Variants in PPP2R3A observed in about 807,000 individuals in gnomAD.
PPP2R3A encodes protein phosphatase 2 regulatory subunit B''alpha, also known as serine/threonine-protein phosphatase 2A regulatory subunit B'' subunit alpha.
Under a neutral mutation model 106.9 loss-of-function variants are expected in PPP2R3A, and 80 were observed. The ratio of observed to expected loss-of-function variants is 0.75; its 90% confidence interval spans 0.62 to 0.90. The LOEUF (loss-of-function observed/expected upper bound fraction) is 0.90. Ranked by LOEUF, PPP2R3A falls within the 40% of genes least tolerant of loss-of-function variation. The probability of loss-of-function intolerance (pLI) is 0.00; values close to 1 mark genes in which losing one functional copy is unlikely to be tolerated. For missense variants in PPP2R3A, 1,386 were observed against 1,350.4 expected (o/e 1.03, Z -0.41); for synonymous variants, 483 against 468.3 (o/e 1.03, Z -0.41).
chr3:136,095,316 C>G (rs1937191163), intron 10 of PPP2R3A, among the ~76,000 whole-genome samples: 4 of 152,160 alleles, frequency 2.6e-5, no homozygotes, highest in Admixed American at 2.0e-4. Context: ...TTTCTTAGAC[C>G]TCCTTTGGTG....
Position 136,002,986 on chromosome 3 carries a change from C to T in PPP2R3A, c.1488C>T (p.Asp496=). 2 of 1,613,278 alleles carry T rather than the reference C, an allele frequency of 1.2e-6. No homozygotes were observed. Among genetic ancestry groups the T allele is most frequent in the South Asian group, 1.1e-5 (1 of 90,908 alleles). The change falls in exon 2 of 14, where the codon GAC becomes GAT. Residue 496 remains aspartate (D), a synonymous_variant. Transcript: ENST00000264977. ...AAGTTTCTAAATTTGAAGAGGGAGA[C>T]CAGAGAGATTTTACAAATTCCAGTA... is the stretch of plus-strand genomic sequence containing the variant. ...KSKVSKFEEG[D]QRDFTNSSSQ... is the part of the protein sequence containing the mutation.
chr3:136,113,771 G>A (rs893456987), intron 13 of PPP2R3A, among the ~76,000 whole-genome samples: 4 of 151,438 alleles, frequency 2.6e-5, no homozygotes, highest in Non-Finnish European at 5.9e-5. Context: ...CTCCAGCCTG[G>A]GCAACAGAGC....
intron 13 of PPP2R3A, among the ~76,000 whole-genome samples, chr3:136,128,731 C>T (rs1412954783): frequency 1.3e-5 from 2 of 152,188 alleles, no homozygotes; most frequent in Admixed American, 1.3e-4. Context: ...CTCAGCACCA[C>T]ATCACACTTA....
chr3:136,032,872 TCTCTTGTTTGATTG>T (rs770853257), intron 3 of PPP2R3A, among the ~76,000 whole-genome samples: 7 of 152,170 alleles, frequency 4.6e-5, no homozygotes, highest in Non-Finnish European at 1.0e-4. Context: ...TTTATTTCTT[TCTCTTGTTTGATTG>T]CTCTGACTAG....
chr3:136,002,484 A>T lies in PPP2R3A; in HGVS notation c.986A>T (p.Glu329Val). 6.2e-7 allele frequency: 1 copy of T among 1,614,130 alleles called. No individual in the cohort carries two copies. Residue 329 changes from glutamate (E) to valine (V), a missense_variant, in exon 2 of 14, where the codon GAA becomes GTA. By Grantham distance (121) the Glu-to-Val change is moderately radical (BLOSUM62 -2). Coordinates refer to ENST00000264977, the MANE Select transcript of PPP2R3A (RefSeq NM_002718.5). ...LTPFSPVFGT[E>V]QPPKYEDVVQ... is the part of the protein sequence containing the mutation. ...CCCTTCTCCCCAGTGTTTGGCACTGAACAACCCCCTAAATATGAAGATGTT... is the reference window on the plus strand; with the variant it reads ...CCCTTCTCCCCAGTGTTTGGCACTGTACAACCCCCTAAATATGAAGATGTT...
intron 2 of PPP2R3A, among the ~76,000 whole-genome samples, chr3:136,023,936 C>CA (rs1559874003): frequency 6.6e-6 from 1 of 152,072 alleles, no homozygotes; most frequent in African/African-American, 2.4e-5. Context: ...GCTGGCCATC[C>CA]AAAATCCAGC....
chr3:136,038,329 C>A (rs1935153150), intron 3 of PPP2R3A, among the ~76,000 whole-genome samples: 2 of 152,172 alleles, frequency 1.3e-5, no homozygotes, highest in South Asian at 2.1e-4. Context: ...TACCCTGTCT[C>A]TGAGGATTTT....
intron 1 of PPP2R3A, among the ~76,000 whole-genome samples, chr3:135,996,295 T>A (rs1414780045): frequency 6.6e-6 from 1 of 152,234 alleles, no homozygotes; most frequent in Non-Finnish European, 1.5e-5. Context: ...ATAACCAAAC[T>A]TTTCTTCTAA....
At chr3:136,025,689 A>T (rs1421458492) in intron 2 of PPP2R3A, among the ~76,000 whole-genome samples, 1 of 152,130 alleles carries the variant, frequency 6.6e-6, no homozygotes, top group East Asian at 1.9e-4. Flanking sequence ...TTCAAACTTT[A>T]GAGATGGCAT....
intron 5 of PPP2R3A, among the ~76,000 whole-genome samples, chr3:136,053,158 G>A (rs764812595): frequency 1.6e-4 from 25 of 152,146 alleles, no homozygotes; most frequent in African/African-American, 5.6e-4. Flanking sequence ...AGGGAGAGGA[G>A]CAGAAAAGAT....
At chr3:136,004,043 G>A (rs1186185944) in intron 2 of PPP2R3A, among the ~76,000 whole-genome samples, 1 of 152,174 alleles carries the variant, frequency 6.6e-6, no homozygotes, top group Non-Finnish European at 1.5e-5. Context: ...TCATGAGCAT[G>A]TGAACACCAT....
Position 136,084,293 on chromosome 3 carries a change from C to T in PPP2R3A, c.2788+1872C>T, listed in dbSNP as rs577322776. Among the ~76,000 whole-genome samples the T allele has an allele frequency of 4.6e-5, 7 of 152,374 alleles. No individual in the cohort carries two copies. In the South Asian group the frequency reaches 1.0e-3, roughly 23 times the overall value. ...GGCTTAAAGGGGCCAACATACAGCT[C>T]AGGCCGTTGCTTCAGAGAATGCAAA... is the stretch of plus-strand genomic sequence containing the variant. On this transcript the variant is annotated intron_variant, in intron 8 of 13. Transcript: ENST00000264977.
chr3:136,133,584 C>T (rs1938500862), intron 13 of PPP2R3A, among the ~76,000 whole-genome samples: 1 of 151,984 alleles, frequency 6.6e-6, no homozygotes, highest in Non-Finnish European at 1.5e-5. Context: ...GTTAAACATA[C>T]ATTTGGCTTA....
chr3:136,036,599 C>T (rs1198411127), intron 3 of PPP2R3A, among the ~76,000 whole-genome samples: 1 of 152,142 alleles, frequency 6.6e-6, no homozygotes, highest in Non-Finnish European at 1.5e-5. Flanking sequence ...TGTATACCAG[C>T]ACAGTATTTG....
At chr3:136,079,586 T>A (rs989619089) in intron 7 of PPP2R3A, among the ~76,000 whole-genome samples, 2 of 151,986 alleles carry the variant, frequency 1.3e-5, no homozygotes, top group African/African-American at 4.8e-5. Context: ...TTTTTGTATT[T>A]TTAGTAGAAA....
chr3:135,977,798 C>G (rs1937460253), intron 1 of PPP2R3A, among the ~76,000 whole-genome samples: 1 of 145,724 alleles, frequency 6.9e-6, no homozygotes, highest in Non-Finnish European at 1.5e-5. Flanking sequence ...TTCCCGGGCT[C>G]AAGCGATTCT....
chr3:136,101,335 C>T (rs1440802589), intron 10 of PPP2R3A, among the ~76,000 whole-genome samples: 2 of 152,258 alleles, frequency 1.3e-5, no homozygotes, highest in Admixed American at 6.5e-5. Flanking sequence ...ATGAGAAGGG[C>T]GTGTAGGTAA....
chr3:136,002,043 T>C lies in PPP2R3A; in HGVS notation c.545T>C (p.Val182Ala), dbSNP rs1418234990. 2.5e-6 allele frequency: 4 copies of C among 1,613,906 alleles called. No individual in the cohort carries two copies. The highest frequency in any genetic ancestry group is 3.4e-6 in the Non-Finnish European group (4 of 1,179,942). Residue 182 changes from valine (V) to alanine (A), a missense_variant, in exon 2 of 14, where the codon GTT (valine) becomes GCT (alanine). Physicochemically the swap from Val to Ala is moderately conservative, Grantham distance 64. Coordinates refer to ENST00000264977, the MANE Select transcript of PPP2R3A (RefSeq NM_002718.5). Reference protein sequence around the residue: ...PSFGLLRSSSVEEKPLSHRNS... With the variant: ...PSFGLLRSSSAEEKPLSHRNS... ...TTTGGTTTACTGCGGAGTTCCTCAG[T>C]TGAGGAAAAACCTTTGTCTCATAGA...
rs761178473 is a variant in PPP2R3A at position 136,001,549 on chromosome 3, C to T, written c.51C>T (p.Ser17=). The T allele has an allele frequency of 6.8e-6, 11 of 1,614,026 alleles. No homozygotes were observed. The highest frequency in any genetic ancestry group is 4.5e-5 in the East Asian group (2 of 44,888). The part of the protein sequence containing the change: ...LVVSTVNHYS[S]VVIDRRFEQA... The stretch of plus-strand genomic sequence containing the variant: ...TTAGTACTGTGAACCACTACAGCAG[C>T]GTGGTGATAGACCGGCGTTTTGAAC... Residue 17 remains serine, a synonymous_variant, in exon 2 of 14, where the codon AGC becomes AGT. Transcript: ENST00000264977.
Sources: allele counts gnomAD v4.1 joint callset (sites outside exome capture counted in the v4.1 genomes callset), GRCh38; gene constraint gnomAD v4.1.1; transcripts MANE v1.5; gene names NCBI Gene and HGNC (gene_info 2026-07-23, HGNC 2026-07-21).